Variants in RBFOX1 observed in about 807,000 individuals in gnomAD.
RBFOX1 encodes the protein RNA binding fox-1 homolog 1, also known as RNA binding protein fox-1 homolog 1.
RBFOX1 carries 8 observed loss-of-function variants against 57.7 expected under a neutral mutation model. The observed-to-expected ratio is 0.14, with a 90% CI of 0.08 to 0.25. The LOEUF (loss-of-function observed/expected upper bound fraction) is 0.25. Among genes scored for constraint, RBFOX1 ranks in the 10% least tolerant of loss-of-function variants. The pLI, the probability that RBFOX1 is intolerant of heterozygous loss-of-function variation, is 1.00. For missense variants in RBFOX1, 611 were observed against 548.5 expected (o/e 1.11, Z -1.14); for synonymous variants, 326 against 222.4 (o/e 1.47, Z -4.15).
chr16:7,461,326 C>G (rs543944870), intron 4 of RBFOX1, among the ~76,000 whole-genome samples: 3 of 152,128 alleles, frequency 2.0e-5, no homozygotes, highest in Admixed American at 6.5e-5. Flanking sequence ...TGCCACCACA[C>G]CCGGCTAATT....
intron 1 of RBFOX1, among the ~76,000 whole-genome samples, chr16:6,265,779 C>T (rs895665392): frequency 6.6e-6 from 1 of 152,162 alleles, no homozygotes; most frequent in African/African-American, 2.4e-5. Flanking sequence ...TTTGAACCAA[C>T]TACTCTGAAT....
chr16:7,285,080 T>C (rs1411579736), intron 4 of RBFOX1, among the ~76,000 whole-genome samples: 1 of 134,732 alleles, frequency 7.4e-6, no homozygotes, highest in African/African-American at 2.7e-5. Flanking sequence ...CCTTACTTTT[T>C]TTTTTTTTTT....
At chr16:6,668,677 TAA>T (rs1487779168) in intron 3 of RBFOX1, among the ~76,000 whole-genome samples, 4 of 152,366 alleles carry the variant, frequency 2.6e-5, no homozygotes, top group Admixed American at 2.6e-4. Flanking sequence ...GCCTTAATTT[TAA>T]AAGTGTGATT....
rs34012786 is a variant in RBFOX1, at chr16:6,410,303, C to CTTTTTTT, written c.-64+93262_-64+93268dup. 5.8e-4 allele frequency among the ~76,000 whole-genome samples: 50 copies of CTTTTTTT among 86,720 alleles called. 3 individuals are homozygous for CTTTTTTT. In the East Asian group the frequency reaches 9.2e-3, roughly 16 times the overall value. The allele number at this position is 86,720 out of a possible 152,430, so 56.9% of individuals were successfully genotyped here. On this transcript the variant is annotated intron_variant, in intron 2 of 15. Transcript: ENST00000550418. ...CCTGCTGAAACGATGACCTAGGGTTCTTTTTTTTTTTTTTTTTTTTTTGAG... is the reference window on the plus strand; with the variant it reads ...CCTGCTGAAACGATGACCTAGGGTTCTTTTTTTTTTTTTTTTTTTTTTTTTTTTTGAG...
At chr16:6,888,358 T>G (rs2153366818) in intron 3 of RBFOX1, among the ~76,000 whole-genome samples, 1 of 152,108 alleles carries the variant, frequency 6.6e-6, no homozygotes, top group Middle Eastern at 3.4e-3. Flanking sequence ...GTTTGAAAAC[T>G]TTTTCGTTTT....
At chr16:7,363,117 C>T (rs1444228254) in intron 4 of RBFOX1, among the ~76,000 whole-genome samples, 2 of 152,106 alleles carry the variant, frequency 1.3e-5, no homozygotes, top group Admixed American at 6.6e-5. Context: ...GCTGCTCTTA[C>T]GCTGTGACTG....
At chr16:7,181,934 C>T (rs1027688267) in intron 4 of RBFOX1, among the ~76,000 whole-genome samples, 45 of 152,116 alleles carry the variant, frequency 3.0e-4, no homozygotes, top group African/African-American at 8.5e-4. Flanking sequence ...AAAACTCAGC[C>T]GTCGAAATAC....
intron 14 of RBFOX1, chr16:7,693,419 T>TC (rs2077828251): frequency 2.5e-6 from 3 of 1,224,282 alleles, no homozygotes; most frequent in Non-Finnish European, 3.4e-6. Context: ...CAGTATCCTT[T>TC]TTTTTTTTTT....
At chr16:5,638,925 A>T (rs2048772939) in intron 3 of RBFOX1, among the ~76,000 whole-genome samples, 2 of 152,112 alleles carry the variant, frequency 1.3e-5, no homozygotes, top group Non-Finnish European at 2.9e-5. Flanking sequence ...CCCAACTCAA[A>T]TGTCCCCTGC....
intron 2 of RBFOX1, among the ~76,000 whole-genome samples, chr16:6,650,610 C>T (rs768377013): frequency 1.3e-5 from 2 of 152,172 alleles, no homozygotes; most frequent in Non-Finnish European, 2.9e-5. Context: ...GGTATTTAAT[C>T]ATTGCTCACC....
intron 3 of RBFOX1, among the ~76,000 whole-genome samples, chr16:5,811,197 C>G (rs2055416765): frequency 7.9e-6 from 1 of 126,504 alleles, no homozygotes; most frequent in African/African-American, 3.1e-5. Flanking sequence ...GGCTGCAGTG[C>G]AATGGTGCGA....
At chr16:7,501,961 C>T (rs2071045496) in intron 4 of RBFOX1, among the ~76,000 whole-genome samples, 1 of 152,198 alleles carries the variant, frequency 6.6e-6, no homozygotes, top group African/African-American at 2.4e-5. Flanking sequence ...AACAGATACT[C>T]AATACCTAAC....
At chr16:5,278,205 G>C (rs938006422) in intron 1 of RBFOX1, among the ~76,000 whole-genome samples, 1 of 152,166 alleles carries the variant, frequency 6.6e-6, no homozygotes, top group African/African-American at 2.4e-5. Context: ...ATTCTAACAA[G>C]TGTGAGATGA....
intron 1 of RBFOX1, among the ~76,000 whole-genome samples, chr16:6,110,213 G>A (rs1280558442): frequency 2.4e-5 from 1 of 41,622 alleles, no homozygotes; most frequent in African/African-American, 9.2e-5. Context: ...TTTTTTTTTA[G>A]TTCATTATTC....
chr16:6,229,754 A>T (rs1011389080), intron 1 of RBFOX1, among the ~76,000 whole-genome samples: 1 of 151,936 alleles, frequency 6.6e-6, no homozygotes, highest in Admixed American at 6.6e-5. Flanking sequence ...ATTTCTGCTG[A>T]TGGAAAACAT....
chr16:5,467,569 A>T (rs748672626), intron 2 of RBFOX1, among the ~76,000 whole-genome samples: 3 of 152,152 alleles, frequency 2.0e-5, no homozygotes, highest in Non-Finnish European at 4.4e-5. Context: ...ATATTTCATC[A>T]TTGAACTTTG....
chr16:5,692,698 A>C (rs968374822), intron 3 of RBFOX1, among the ~76,000 whole-genome samples: 1 of 152,168 alleles, frequency 6.6e-6, no homozygotes, highest in African/African-American at 2.4e-5. Context: ...TGCCTCATCT[A>C]GTAGTTCTTT....
intron 3 of RBFOX1, among the ~76,000 whole-genome samples, chr16:6,805,358 G>C (rs1167150344): frequency 6.6e-6 from 1 of 152,186 alleles, no homozygotes; most frequent in Non-Finnish European, 1.5e-5. Context: ...TGGACACACA[G>C]AGGGGAACAG....
At chr16:5,668,849 T>G (rs1329399081) in intron 3 of RBFOX1, among the ~76,000 whole-genome samples, 1 of 152,146 alleles carries the variant, frequency 6.6e-6, no homozygotes, top group East Asian at 1.9e-4. Flanking sequence ...TGGAGCACAC[T>G]TTTGACTCCT....
Sources: gnomAD v4.1 joint callset for allele counts (sites outside exome capture counted in the v4.1 genomes callset) on GRCh38, gnomAD v4.1.1 for gene constraint, MANE v1.5 for transcripts, NCBI Gene and HGNC (gene_info 2026-07-23, HGNC 2026-07-21) for gene names.